The following ATXN2 variants were observed in gnomAD, a reference collection of about 807,000 sequenced individuals.
The protein encoded by ATXN2 is ataxin 2, also known as ataxin-2.
Under a neutral mutation model 138.6 loss-of-function variants are expected in ATXN2, and 37 were observed. That is an observed-to-expected ratio of 0.27 (90% CI 0.21 to 0.35). The LOEUF (loss-of-function observed/expected upper bound fraction) is 0.35, where lower values mean the gene tolerates loss of function less well. Among genes scored for constraint, ATXN2 ranks in the 10% least tolerant of loss-of-function variants. The pLI is 1.00. For missense variants in ATXN2, 1,216 were observed against 1,480.3 expected (o/e 0.82, Z 2.93); for synonymous variants, 549 against 543.7 (o/e 1.01, Z -0.13).
chr12:111,597,549 T>A (rs574319377), intron 1 of ATXN2, among the ~76,000 whole-genome samples: 1 of 152,194 alleles, frequency 6.6e-6, no homozygotes, highest in Non-Finnish European at 1.5e-5. Context: ...ATGGAGTCTA[T>A]TGACGTTTCC....
At chr12:111,548,118 A>AGGAGGT (rs1881926876) in intron 5 of ATXN2, among the ~76,000 whole-genome samples, 1 of 151,976 alleles carries the variant, frequency 6.6e-6, no homozygotes, top group African/African-American at 2.4e-5. Flanking sequence ...GCTTGAACCC[A>AGGAGGT]GGAGGTGGAG....
At chr12:111,512,059 C>T (rs981783853) in intron 11 of ATXN2, 3 of 151,868 alleles carry the variant, frequency 2.0e-5, no homozygotes, top group Non-Finnish European at 4.4e-5. Context: ...CAACCTTCAC[C>T]TCCTGGGTTC....
chr12:111,598,642 G>C lies in ATXN2; in HGVS notation c.251+142C>G. The C allele has an allele frequency of 1.1e-6, 1 of 909,812 alleles. No individual in the cohort carries two copies. Among genetic ancestry groups the C allele is most frequent in the Non-Finnish European group, 1.3e-6 (1 of 758,854 alleles). 56.4% of individuals were successfully genotyped at this position (909,812 alleles called of 1,614,324 possible). On this transcript the variant is annotated intron_variant, in intron 1 of 24. Transcript: ENST00000673436. The surrounding 1 kb of genome is among the most constrained non-coding windows in gnomAD (Gnocchi z 4.5). ...CCACCGGCCGAGCCTCGGGGCTCAG[G>C]CCCGAGCGAGTCTCCCCCGCGCTGC...
At chr12:111,456,791 A>C (rs1855422032) in intron 22 of ATXN2, among the ~76,000 whole-genome samples, 1 of 151,990 alleles carries the variant, frequency 6.6e-6, no homozygotes. Flanking sequence ...GCTGTTGTCC[A>C]AGCTGGAGTG....
intron 21 of ATXN2, among the ~76,000 whole-genome samples, chr12:111,459,700 A>G (rs1417652878): frequency 2.0e-5 from 3 of 150,388 alleles, no homozygotes; most frequent in Non-Finnish European, 2.9e-5. Context: ...TCGGCCTCCC[A>G]AAGTGCTGGG....
intron 1 of ATXN2, among the ~76,000 whole-genome samples, chr12:111,566,380 C>T (rs908817380): frequency 6.9e-6 from 1 of 145,812 alleles, no homozygotes; most frequent in Non-Finnish European, 1.5e-5. Flanking sequence ...TGCGGTGAGC[C>T]GAGATAGCAT....
At chr12:111,557,443 T>C (rs141346661) in intron 1 of ATXN2, among the ~76,000 whole-genome samples, 93 of 152,344 alleles carry the variant, frequency 6.1e-4, no homozygotes, top group African/African-American at 2.1e-3. Flanking sequence ...GCCTCAAACA[T>C]GGCACAGAGA....
intron 18 of ATXN2, chr12:111,471,723 A>G (rs924301802): frequency 6.6e-6 from 1 of 151,676 alleles, no homozygotes; most frequent in Non-Finnish European, 1.5e-5. Context: ...TTTATATTTT[A>G]TCTTGGATGC....
intron 1 of ATXN2, among the ~76,000 whole-genome samples, chr12:111,561,388 G>A (rs1443397756): frequency 6.6e-6 from 1 of 151,858 alleles, no homozygotes; most frequent in Non-Finnish European, 1.5e-5. Flanking sequence ...CAACTATTCA[G>A]GAGGAGGTGG....
intron 1 of ATXN2, among the ~76,000 whole-genome samples, chr12:111,591,801 G>A (rs375856295): frequency 6.6e-6 from 1 of 152,168 alleles, no homozygotes; most frequent in Non-Finnish European, 1.5e-5. Flanking sequence ...GACAGGGTAG[G>A]CTGCGCACGG....
At chr12:111,498,094 C>T (rs1418493059) in intron 14 of ATXN2, among the ~76,000 whole-genome samples, 1 of 152,006 alleles carries the variant, frequency 6.6e-6, no homozygotes, top group Non-Finnish European at 1.5e-5. Flanking sequence ...CCATATATGA[C>T]AGACCCATAA....
At chr12:111,484,199 T>A (rs951366635) in intron 18 of ATXN2, among the ~76,000 whole-genome samples, 1 of 152,088 alleles carries the variant, frequency 6.6e-6, no homozygotes, top group Non-Finnish European at 1.5e-5. Flanking sequence ...AGGTTAGCAA[T>A]CTAGTAAATT....
intron 21 of ATXN2, 72 bp from the exon 22 acceptor site, chr12:111,457,431 C>G: frequency 6.7e-7 from 1 of 1,496,998 alleles, no homozygotes. Flanking sequence ...TACACTTCAT[C>G]AACTGAACTT....
chr12:111,539,697 C>T (rs1348292452), intron 5 of ATXN2, among the ~76,000 whole-genome samples: 1 of 149,314 alleles, frequency 6.7e-6, no homozygotes, highest in Admixed American at 6.7e-5. Flanking sequence ...TGCAGTGAGC[C>T]GAGATCGCGC....
In ATXN2 at chr12:111,488,477, C is replaced by A; in HGVS notation, c.2239G>T (p.Glu747Ter). The A allele has an allele frequency of 6.2e-7, 1 of 1,606,114 alleles. No homozygotes were observed. The highest frequency in any genetic ancestry group is 1.1e-5 in the South Asian group (1 of 90,126). ...DDKEEKKDAA[E>*]QVRKSTLNPN... Reference sequence around the variant, plus strand: ...GGTCTAAGTTCCAGGTTTACTCACTCAGCTGCGTCTTTCTTCTCTTCCTTA... The same window carrying A: ...GGTCTAAGTTCCAGGTTTACTCACTAAGCTGCGTCTTTCTTCTCTTCCTTA... Residue 747 changes from glutamate (E) to a stop codon, truncating the protein, a stop_gained and splice_region_variant, in exon 15 of 25, where the codon GAG becomes TAG. Transcript: ENST00000673436. LOFTEE classifies it high-confidence loss of function.
In ATXN2 at chr12:111,598,973, TGCTGTTGC is replaced by T; in HGVS notation, c.54_61del (p.Gln19AlafsTer68). ...CGGCTGCTGCTGCTGCTGCTGCTGC[TGCTGTTGC>T]TGCTGCTGCTGCTGCTGCTGCTGCT... On this transcript the variant is annotated frameshift_variant, in exon 1 of 25. Transcript: ENST00000673436. LOFTEE classifies it high-confidence loss of function. The surrounding 1 kb of genome is among the most constrained non-coding windows in gnomAD (Gnocchi z 4.5). 2.7e-6 allele frequency: 4 copies of T among 1,495,480 alleles called. No individual in the cohort carries two copies. The highest frequency in any genetic ancestry group is 2.7e-5 in the East Asian group (1 of 36,726). 92.6% of individuals were successfully genotyped at this position (1,495,480 alleles called of 1,614,324 possible).
rs1880121789 is a variant in ATXN2 at position 111,520,909 on chromosome 12, G to A, written c.761C>T (p.Thr254Met). The change falls in exon 7 of 25, where the codon ACG becomes ATG. Residue 254 changes from threonine (T) to methionine (M), a missense_variant. Thr to Met is a moderately conservative substitution (Grantham distance 81). Around this residue, in one of 4 missense-constraint regions of ATXN2, gnomAD observed 401 missense variants for 528.1 expected, o/e 0.76. Coordinates refer to ENST00000673436, the MANE Select transcript of ATXN2 (RefSeq NM_001372574.1). The stretch of plus-strand genomic sequence containing the variant: ...ATACGAAGATAAACTGCTATCATAC[G>A]TAGACACTACACCATAATTTTCTTC... ...YNEENYGVVS[T>M]YDSSLSSYTV... is the part of the protein sequence containing the mutation. 6.3e-7 allele frequency: 1 copy of A among 1,596,492 alleles called. No homozygotes were observed. Among genetic ancestry groups the A allele is most frequent in the Non-Finnish European group, 8.6e-7 (1 of 1,168,962 alleles).
chr12:111,452,626 G>A lies in ATXN2; in HGVS notation c.*186C>T. The A allele has an allele frequency of 1.5e-6, 1 of 659,852 alleles. No individual in the cohort carries two copies. The highest frequency in any genetic ancestry group is 2.6e-6 in the Non-Finnish European group (1 of 384,406). The allele number at this position is 659,852 out of a possible 1,614,324, so 40.9% of individuals were successfully genotyped here. On this transcript the variant is annotated 3_prime_UTR_variant, in exon 25 of 25. Transcript: ENST00000673436. The stretch of plus-strand genomic sequence containing the variant: ...TGGAATAGCCCCCAAGTTCCTAAAT[G>A]CCTCTACTCGGTCCAAGTATCTTCC...
At chr12:111,539,480 G>A (rs1881372132) in intron 5 of ATXN2, among the ~76,000 whole-genome samples, 1 of 150,474 alleles carries the variant, frequency 6.6e-6, no homozygotes, top group African/African-American at 2.4e-5. Context: ...GGGTGCGATG[G>A]CTCATGCCTG....
Sources: allele counts gnomAD v4.1 joint callset (sites outside exome capture counted in the v4.1 genomes callset), GRCh38; gene constraint gnomAD v4.1.1; regional missense constraint gnomAD v4.1.1; non-coding constraint Gnocchi (gnomAD v3.1); transcripts MANE v1.5; gene names NCBI Gene and HGNC (gene_info 2026-07-23, HGNC 2026-07-21).